Variants in SPON1 observed in about 807,000 individuals in gnomAD.
The protein encoded by SPON1 is spondin-1.
SPON1 carries 52 observed loss-of-function variants against 111.7 expected under a neutral mutation model. The observed-to-expected ratio is 0.47, with a 90% CI of 0.37 to 0.59. SPON1 has a LOEUF of 0.59. Ranked by LOEUF, SPON1 falls within the 20% of genes least tolerant of loss-of-function variation. The pLI is 0.00. For missense variants in SPON1, 957 were observed against 1,068.5 expected, an observed-to-expected ratio of 0.90 and a Z score of 1.46; for synonymous variants, 410 against 395.8, an observed-to-expected ratio of 1.04 and a Z score of -0.43.
intron 6 of SPON1, among the ~76,000 whole-genome samples, chr11:14,196,487 T>C (rs1280080868): frequency 1.3e-5 from 2 of 152,064 alleles, no homozygotes; most frequent in Non-Finnish European, 2.9e-5. Flanking sequence ...TATATCCCAA[T>C]AAAGCTGCTA....
chr11:14,223,432 A>G (rs1198449347), intron 6 of SPON1, among the ~76,000 whole-genome samples: 1 of 152,240 alleles, frequency 6.6e-6, no homozygotes, highest in Non-Finnish European at 1.5e-5. Context: ...CTTTAACACC[A>G]AAATACGATG....
rs545627220 is a variant in SPON1 at position 14,178,417 on chromosome 11, G to A, written c.825+42849G>A. Among the ~76,000 whole-genome samples, 477 of 108,750 alleles carry A rather than the reference G, an allele frequency of 4.4e-3. 1 individual carries two copies. Among genetic ancestry groups the A allele is most frequent in the African/African-American group, 0.012 (357 of 28,964 alleles). 71.3% of individuals were successfully genotyped at this position (108,750 alleles called of 152,430 possible). On this transcript the variant is annotated intron_variant, in intron 6 of 15. Coordinates refer to ENST00000576479, the MANE Select transcript of SPON1 (RefSeq NM_006108.4). ...AGCCTGGGGAACAAAGCGAGACTCC[G>A]TCTCAAAAAAAAAAAAAAAAGGAAG...
intron 5 of SPON1, among the ~76,000 whole-genome samples, chr11:14,089,597 A>G (rs2133837188): frequency 6.6e-6 from 1 of 152,340 alleles, no homozygotes; most frequent in African/African-American, 2.4e-5. Flanking sequence ...TCTCCCCGTC[A>G]GGAAGCACGG....
intron 7 of SPON1, among the ~76,000 whole-genome samples, chr11:14,244,195 C>G (rs1554939998): frequency 6.6e-6 from 1 of 152,178 alleles, no homozygotes; most frequent in Non-Finnish European, 1.5e-5. Context: ...AGTCCAATTC[C>G]TCATCCACAG....
intron 6 of SPON1, among the ~76,000 whole-genome samples, chr11:14,219,544 T>C (rs372599247): frequency 2.6e-4 from 39 of 152,308 alleles, no homozygotes; most frequent in African/African-American, 9.4e-4. Context: ...TCACAACTGG[T>C]ATGAATCCTC....
At chr11:13,998,692 C>T (rs111336436) in intron 2 of SPON1, among the ~76,000 whole-genome samples, 1 of 152,212 alleles carries the variant, frequency 6.6e-6, no homozygotes, top group Non-Finnish European at 1.5e-5. Flanking sequence ...CTCACCAAGG[C>T]CTGGCACACT....
rs557585393 is a variant in SPON1, at chr11:14,250,303, T to C, written c.891-4225T>C. ...AAAGTTGAAAAAATTAATATTTCTC[T>C]AGTAGATCTGAAAGCTTTATTTTTT... On this transcript the variant is annotated intron_variant, in intron 7 of 15. Coordinates refer to ENST00000576479, the MANE Select transcript of SPON1 (RefSeq NM_006108.4). Among the ~76,000 whole-genome samples the C allele has an allele frequency of 4.6e-5, 7 of 152,118 alleles. No individual in the cohort carries two copies. The East Asian group carries it at 9.6e-4, about 21-fold the overall frequency.
intron 3 of SPON1, among the ~76,000 whole-genome samples, chr11:14,056,619 C>A (rs1848746447): frequency 6.6e-6 from 1 of 152,138 alleles, no homozygotes; most frequent in African/African-American, 2.4e-5. Flanking sequence ...ATCGGCTGGG[C>A]ACGGTGGCTC....
chr11:14,024,627 T>C (rs1554915120), intron 2 of SPON1, among the ~76,000 whole-genome samples: 1 of 151,910 alleles, frequency 6.6e-6, no homozygotes, highest in Non-Finnish European at 1.5e-5. Flanking sequence ...CCTGCTAAGG[T>C]CTCGGGTTTA....
chr11:14,258,451 C>T (rs1166023804), intron 11 of SPON1, among the ~76,000 whole-genome samples: 1 of 152,236 alleles, frequency 6.6e-6, no homozygotes, highest in Non-Finnish European at 1.5e-5. Context: ...TTCAAGATTG[C>T]ACTAAGCTGA....
At position 14,237,375 on chromosome 11, in the gene SPON1, C is replaced by A. The variant is rs77908201; in HGVS notation, c.826-5957C>A. ...GGGCTCCTTGGAGAAAGCCACCAAC[C>A]AGGGTCAGCTGTGCTCTCACTGCAA... On this transcript the variant is annotated intron_variant, in intron 6 of 15. Coordinates refer to ENST00000576479, the MANE Select transcript of SPON1 (RefSeq NM_006108.4). Among the ~76,000 whole-genome samples, 1,370 of 152,304 alleles carry A rather than the reference C, an allele frequency of 9.0e-3. 19 individuals are homozygous for A. The highest frequency in any genetic ancestry group is 0.03 in the African/African-American group (1,248 of 41,564).
At chr11:14,050,471 T>A (rs1375695513) in intron 3 of SPON1, among the ~76,000 whole-genome samples, 19 of 152,236 alleles carry the variant, frequency 1.2e-4, no homozygotes, top group East Asian at 3.9e-4. Flanking sequence ...GGAGACCATA[T>A]GTCCTGCAAA....
intron 4 of SPON1, among the ~76,000 whole-genome samples, chr11:14,077,257 A>G (rs1257883458): frequency 6.6e-6 from 1 of 152,186 alleles, no homozygotes; most frequent in Non-Finnish European, 1.5e-5. Flanking sequence ...TCAAACTGAC[A>G]AAACCACACC....
intron 6 of SPON1, among the ~76,000 whole-genome samples, chr11:14,216,301 G>A (rs1848625580): frequency 6.6e-6 from 1 of 152,160 alleles, no homozygotes; most frequent in African/African-American, 2.4e-5. Context: ...CACATCTGGG[G>A]CTGGGTGGTA....
chr11:14,176,588 T>A (rs1303541087), intron 6 of SPON1, among the ~76,000 whole-genome samples: 2 of 152,072 alleles, frequency 1.3e-5, no homozygotes, highest in Non-Finnish European at 2.9e-5. Flanking sequence ...TTGGCAGCAA[T>A]ACTCACCAAT....
At chr11:14,161,011 T>TTATATATCTC (rs1847942166) in intron 6 of SPON1, among the ~76,000 whole-genome samples, 1 of 35,124 alleles carries the variant, frequency 2.8e-5, no homozygotes, top group Non-Finnish European at 4.8e-5. Flanking sequence ...ATTTATATAT[T>TTATATATCTC]TATATATCTA....
chr11:14,255,535 T>C, intron 8 of SPON1, 112 bp from the exon 9 acceptor site: 2 of 924,952 alleles, frequency 2.2e-6, no homozygotes, highest in Non-Finnish European at 3.3e-6. Context: ...AAATAGTAGT[T>C]ATGCTTGTTA....
chr11:14,132,081 A>C (rs1191771452), intron 5 of SPON1, among the ~76,000 whole-genome samples: 1 of 152,228 alleles, frequency 6.6e-6, no homozygotes, highest in African/African-American at 2.4e-5. Context: ...GTTTGAGACC[A>C]GCCTGGCCAA....
At chr11:14,198,823 CT>C (rs1278074754) in intron 6 of SPON1, among the ~76,000 whole-genome samples, 1 of 152,210 alleles carries the variant, frequency 6.6e-6, no homozygotes, top group Non-Finnish European at 1.5e-5. Flanking sequence ...TAATAATTTA[CT>C]TGCTACATTT....
Sources: allele counts gnomAD v4.1 joint callset (sites outside exome capture counted in the v4.1 genomes callset), GRCh38; gene constraint gnomAD v4.1.1; transcripts MANE v1.5; gene names NCBI Gene and HGNC (gene_info 2026-07-23, HGNC 2026-07-21).